The following NPR3 variants were observed in gnomAD, a reference collection of about 807,000 sequenced individuals.
NPR3 encodes atrial natriuretic peptide receptor 3.
A neutral mutation model predicts 54.5 loss-of-function variants in NPR3; 34 were observed. The ratio of observed to expected loss-of-function variants is 0.62; its 90% CI spans 0.47 to 0.83. The LOEUF (loss-of-function observed/expected upper bound fraction) is 0.83. Ranked by LOEUF, NPR3 falls within the 40% of genes least tolerant of loss-of-function variation. NPR3 has a pLI of 0.00. For synonymous variants in NPR3, 289 were observed against 297.1 expected (o/e 0.97, Z 0.28); for missense variants, 674 against 720.8 (o/e 0.94, Z 0.74).
chr5:32,738,795 T>G, intron 2 of NPR3, 69 bp from the exon 3 acceptor site: 3 of 1,414,484 alleles, frequency 2.1e-6, no homozygotes, highest in Admixed American at 1.9e-5. Flanking sequence ...CGCCTCACAG[T>G]TGTGAAGGGA....
chr5:32,704,978 G>A (rs1262898095), upstream of NPR3, among the ~76,000 whole-genome samples: 1 of 152,034 alleles, frequency 6.6e-6, no homozygotes, highest in Non-Finnish European at 1.5e-5. Context: ...TGGAATATGT[G>A]TATTATGAAA....
At chr5:32,732,658 C>A (rs531081316) in intron 2 of NPR3, among the ~76,000 whole-genome samples, 23 of 152,192 alleles carry the variant, frequency 1.5e-4, no homozygotes, top group African/African-American at 5.1e-4. Context: ...TGACCTAGAC[C>A]AAGGTTCTGC....
intron 6 of NPR3, among the ~76,000 whole-genome samples, chr5:32,784,148 A>G (rs933068828): frequency 1.3e-5 from 2 of 152,288 alleles, no homozygotes; most frequent in East Asian, 3.9e-4. Context: ...TGAAAATAAG[A>G]AGCCCTGGGT....
At chr5:32,760,665 TG>T (rs201758016) in intron 3 of NPR3, among the ~76,000 whole-genome samples, 169 of 150,992 alleles carry the variant, frequency 1.1e-3, no homozygotes, top group Non-Finnish European at 1.7e-3. Context: ...TGATGAGCAG[TG>T]GTTTTTTTTT....
chr5:32,756,907 T>C (rs992537330), intron 3 of NPR3, among the ~76,000 whole-genome samples: 1 of 152,248 alleles, frequency 6.6e-6, no homozygotes, highest in African/African-American at 2.4e-5. Context: ...AAAGATCAGA[T>C]GGCTGTAGAT....
Position 32,785,652 on chromosome 5 carries a change from G to C in NPR3, c.1515-582G>C, listed in dbSNP as rs184409318. Reference sequence around the variant, plus strand: ...CAGGCTGATCTGTGCTCAGTATCTGGAGAGCCCACATGCTCATTTGCCACT... The same window carrying C: ...CAGGCTGATCTGTGCTCAGTATCTGCAGAGCCCACATGCTCATTTGCCACT... On this transcript the variant is annotated intron_variant, in intron 7 of 7. Transcript: ENST00000265074. 1.3e-3 allele frequency among the ~76,000 whole-genome samples: 197 copies of C among 152,284 alleles called. 1 individual carries two copies. The highest frequency in any genetic ancestry group is 4.5e-3 in the African/African-American group (188 of 41,564).
At chr5:32,727,170 A>T (rs754120171) in intron 2 of NPR3, among the ~76,000 whole-genome samples, 3 of 152,198 alleles carry the variant, frequency 2.0e-5, no homozygotes, top group African/African-American at 7.2e-5. Flanking sequence ...CCTGTTGCCC[A>T]GGCTGGAGTA....
chr5:32,776,148 A>T (rs538522466), intron 4 of NPR3, among the ~76,000 whole-genome samples: 1 of 152,324 alleles, frequency 6.6e-6, no homozygotes, highest in South Asian at 2.1e-4. Context: ...TAAAATTTGT[A>T]TGAAAGGGGT....
intron 3 of NPR3, among the ~76,000 whole-genome samples, chr5:32,751,815 G>A (rs182017795): frequency 6.6e-6 from 1 of 152,268 alleles, no homozygotes; most frequent in African/African-American, 2.4e-5. Context: ...GTTTAGAATA[G>A]CCCAGACGTC....
chr5:32,728,837 G>GTATATATATATA (rs70961659), intron 2 of NPR3, among the ~76,000 whole-genome samples: 21 of 47,996 alleles, frequency 4.4e-4, no homozygotes, highest in South Asian at 2.5e-3. Context: ...GTGTGTGTGT[G>GTATATATATATA]TATATATATA....
chr5:32,780,563 T>C (rs1742285494), intron 4 of NPR3, among the ~76,000 whole-genome samples, 159 bp from the exon 5 acceptor site: 1 of 152,212 alleles, frequency 6.6e-6, no homozygotes, highest in Admixed American at 6.5e-5. Context: ...GAAATTACAA[T>C]GTCTTTCCAA....
At chr5:32,697,122 A>G (rs1740551002) in intron 1 of NPR3, among the ~76,000 whole-genome samples, 1 of 152,156 alleles carries the variant, frequency 6.6e-6, no homozygotes, top group Non-Finnish European at 1.5e-5. Context: ...TTTGTCATAT[A>G]TGGTTTTTAT....
Position 32,788,592 on chromosome 5 carries a change from G to A in NPR3, c.*2247G>A, listed in dbSNP as rs1364983269. On this transcript the variant is annotated 3_prime_UTR_variant, in exon 8 of 8. Transcript: ENST00000265074. ...TAATCTACCTGGTTGCAGTCTTTGA[G>A]TATAAACATTTCTAACCTTTTTAAA... 1 of 152,138 alleles carries A rather than the reference G, an allele frequency of 6.6e-6. No individual in the cohort carries two copies. The highest frequency in any genetic ancestry group is 1.5e-5 in the Non-Finnish European group (1 of 68,028). The allele number at this position is 152,138 out of a possible 1,614,324, so 9.4% of individuals were successfully genotyped here.
At chr5:32,755,616 A>G (rs1740795454) in intron 3 of NPR3, among the ~76,000 whole-genome samples, 2 of 152,206 alleles carry the variant, frequency 1.3e-5, no homozygotes, top group Non-Finnish European at 2.9e-5. Context: ...CAAGCTTAGA[A>G]CTAGAGACGC....
At position 32,783,010 on chromosome 5, in the gene NPR3, A is replaced by C. The variant is rs565094413; in HGVS notation, c.1408A>C (p.Ser470Arg). 6.2e-7 allele frequency: 1 copy of C among 1,602,468 alleles called. No individual in the cohort carries two copies. Among genetic ancestry groups the C allele is most frequent in the East Asian group, 2.2e-5 (1 of 44,638 alleles). The change falls in exon 6 of 8, where the codon AGC (serine) becomes CGC (arginine). Residue 470 changes from serine to arginine, a missense_variant. Coordinates refer to ENST00000265074, the MANE Select transcript of NPR3 (RefSeq NM_001204375.2). ...AAACCGAATTGTAGAGCATACAAAC[A>C]GCTCTCCCTGCAAATCATGTAAGTC... ...DENRIVEHTN[S>R]SPCKSSGGLE...
At chr5:32,757,678 T>C (rs1485004244) in intron 3 of NPR3, among the ~76,000 whole-genome samples, 2 of 152,122 alleles carry the variant, frequency 1.3e-5, no homozygotes, top group Non-Finnish European at 2.9e-5. Flanking sequence ...TGTCTTGTGC[T>C]AGTTTTGAAA....
chr5:32,767,957 TC>T (rs1741562473), intron 3 of NPR3, among the ~76,000 whole-genome samples: 1 of 152,118 alleles, frequency 6.6e-6, no homozygotes, highest in Non-Finnish European at 1.5e-5. Flanking sequence ...ATTGGGCCCC[TC>T]CTCTTTCCCT....
intron 1 of NPR3, among the ~76,000 whole-genome samples, chr5:32,720,497 T>C (rs1467710845): frequency 6.6e-6 from 1 of 152,172 alleles, no homozygotes; most frequent in Non-Finnish European, 1.5e-5. Flanking sequence ...AAGAACATGA[T>C]GCAATAGTGA....
Position 32,786,280 on chromosome 5 carries a change from A to G in NPR3, c.1561A>G (p.Ser521Gly). The G allele has an allele frequency of 6.3e-7, 1 of 1,592,052 alleles. No homozygotes were observed. The highest frequency in any genetic ancestry group is 8.6e-7 in the Non-Finnish European group (1 of 1,163,172). The change falls in exon 8 of 8, where the codon AGT becomes GGT. Residue 521 changes from serine to glycine, a missense_variant. Physicochemically the swap from Ser to Gly is moderately conservative, Grantham distance 56 (BLOSUM62 0). Coordinates refer to ENST00000265074, the MANE Select transcript of NPR3 (RefSeq NM_001204375.2). ...TIERRTQQEE[S>G]NLGKHRELRE... ...TGAGAGGCGAACCCAGCAAGAAGAA[A>G]GTAACCTTGGAAAACATCGGGAATT...
Sources: allele counts gnomAD v4.1 joint callset (sites outside exome capture counted in the v4.1 genomes callset), GRCh38; gene constraint gnomAD v4.1.1; transcripts MANE v1.5; gene names NCBI Gene and HGNC (gene_info 2026-07-23, HGNC 2026-07-21).